The following CCDC178 variants were observed in gnomAD, a reference collection of about 807,000 sequenced individuals.
CCDC178 encodes coiled-coil domain containing 178.
CCDC178 carries 126 observed loss-of-function variants against 117.4 expected under a neutral mutation model. That is an observed-to-expected ratio of 1.07 (90% CI 0.93 to 1.24). The LOEUF (loss-of-function observed/expected upper bound fraction) is 1.24, where lower values mean the gene tolerates loss of function less well. Ranked by LOEUF, CCDC178 falls within the 50% of genes most tolerant of loss-of-function variation. CCDC178 has a pLI of 0.00. For missense variants in CCDC178, 1,030 were observed against 986.9 expected (o/e 1.04, Z -0.59); for synonymous variants, 283 against 313.4 (o/e 0.90, Z 1.02).
At chr18:33,394,979 A>G (rs866449858) in intron 4 of CCDC178, among the ~76,000 whole-genome samples, 2 of 136,976 alleles carry the variant, frequency 1.5e-5, no homozygotes, top group Non-Finnish European at 3.2e-5. Context: ...ATATATATAT[A>G]TATATATATG....
intron 2 of CCDC178, among the ~76,000 whole-genome samples, chr18:33,433,783 G>C (rs1599316826): frequency 9.4e-6 from 1 of 106,142 alleles, no homozygotes; most frequent in East Asian, 3.4e-4. Context: ...TAATTCAATA[G>C]CAGAATTTGT....
intron 15 of CCDC178, among the ~76,000 whole-genome samples, chr18:33,238,066 A>G (rs2059446005): frequency 6.6e-6 from 1 of 152,260 alleles, no homozygotes; most frequent in East Asian, 1.9e-4. Context: ...TGAAGAAACT[A>G]CATAGAGACT....
intron 20 of CCDC178, among the ~76,000 whole-genome samples, chr18:33,111,625 C>T (rs273038): frequency 0.91 from 137,785 of 151,598 alleles, 64,136 homozygotes; most frequent in East Asian, 1. Flanking sequence ...CCATGGATAA[C>T]AGAAAAATAA....
intron 14 of CCDC178, among the ~76,000 whole-genome samples, chr18:33,254,708 A>G (rs936444286): frequency 6.6e-5 from 10 of 152,064 alleles, no homozygotes; most frequent in African/African-American, 2.4e-4. Flanking sequence ...ATGCTGAAGA[A>G]GAAGACGAAG....
intron 2 of CCDC178, among the ~76,000 whole-genome samples, chr18:33,412,736 A>T (rs1264155167): frequency 6.6e-6 from 1 of 152,192 alleles, no homozygotes; most frequent in Non-Finnish European, 1.5e-5. Context: ...AATGTAATTA[A>T]CACAATTAAT....
At chr18:33,143,939 G>A (rs930971395) in intron 20 of CCDC178, among the ~76,000 whole-genome samples, 2 of 152,012 alleles carry the variant, frequency 1.3e-5, no homozygotes, top group Non-Finnish European at 2.9e-5. Flanking sequence ...TTCTGAGCCA[G>A]TTTTACTCAT....
chr18:33,074,069 T>C (rs562903248), intron 21 of CCDC178, among the ~76,000 whole-genome samples: 76 of 152,210 alleles, frequency 5.0e-4, no homozygotes, highest in Non-Finnish European at 8.1e-4. Context: ...GAGAGTAATC[T>C]GAATGAGGAA....
intron 21 of CCDC178, among the ~76,000 whole-genome samples, chr18:33,062,768 T>C (rs1174787038): frequency 4.6e-5 from 7 of 152,188 alleles, no homozygotes; most frequent in African/African-American, 1.7e-4. Flanking sequence ...TTTGAGACCC[T>C]AGACCCCACC....
intron 16 of CCDC178, 85 bp from the exon 17 acceptor site, chr18:33,225,021 T>C: frequency 1.0e-6 from 1 of 961,222 alleles, no homozygotes; most frequent in Non-Finnish European, 1.4e-6. Context: ...GCAGTAATAT[T>C]TGTTTTTATT....
chr18:33,323,396 CTT>C (rs1158586190), intron 11 of CCDC178, 93 bp downstream of exon 11: 7 of 763,268 alleles, frequency 9.2e-6, no homozygotes, highest in South Asian at 1.2e-4. Context: ...TTATTTTTCT[CTT>C]TATCTAAATT....
chr18:32,959,830 C>T (rs2054670811), intron 22 of CCDC178, among the ~76,000 whole-genome samples: 1 of 151,906 alleles, frequency 6.6e-6, no homozygotes, highest in South Asian at 2.1e-4. Flanking sequence ...TGACATGGCT[C>T]TTCCACTTGA....
chr18:33,388,668 C>T lies in CCDC178; in HGVS notation c.208+872G>A, dbSNP rs1447882197. ...CCAAGTAGCTGGGACTACAGGCGCC[C>T]GCCACTACGCCCGGCTAATTTTTTG... is the stretch of plus-strand genomic sequence containing the variant. On this transcript the variant is annotated intron_variant, in intron 5 of 22. Transcript: ENST00000383096. Among the ~76,000 whole-genome samples, 7 of 149,486 alleles carry T rather than the reference C, an allele frequency of 4.7e-5. No homozygotes were observed. In the South Asian group the frequency reaches 1.1e-3, roughly 23 times the overall value.
At chr18:33,221,668 C>A (rs1294898912) in intron 18 of CCDC178, among the ~76,000 whole-genome samples, 1 of 152,084 alleles carries the variant, frequency 6.6e-6, no homozygotes, top group African/African-American at 2.4e-5. Context: ...TAGGGAATCA[C>A]ATAATTTAAA....
intron 2 of CCDC178, among the ~76,000 whole-genome samples, chr18:33,417,357 A>G (rs952540541): frequency 6.6e-6 from 1 of 152,342 alleles, no homozygotes; most frequent in East Asian, 1.9e-4. Flanking sequence ...TACATATTGC[A>G]TGATTCCATT....
intron 4 of CCDC178, among the ~76,000 whole-genome samples, chr18:33,396,079 A>G (rs2063631652): frequency 6.6e-6 from 1 of 152,166 alleles, no homozygotes; most frequent in Non-Finnish European, 1.5e-5. Flanking sequence ...TATTCATATT[A>G]CACAAGAAAT....
intron 20 of CCDC178, among the ~76,000 whole-genome samples, chr18:33,124,655 T>C (rs1238789122): frequency 6.6e-6 from 1 of 152,210 alleles, no homozygotes; most frequent in Admixed American, 6.5e-5. Context: ...CTTTTGACAG[T>C]GGTGATTTAC....
At chr18:33,175,015 G>A (rs1290098489) in intron 20 of CCDC178, among the ~76,000 whole-genome samples, 1 of 150,454 alleles carries the variant, frequency 6.6e-6, no homozygotes, top group Non-Finnish European at 1.5e-5. Context: ...CTACAACCCG[G>A]CTAATTTTTT....
chr18:32,961,695 G>A (rs2054706115), intron 22 of CCDC178, among the ~76,000 whole-genome samples: 1 of 152,068 alleles, frequency 6.6e-6, no homozygotes, highest in African/African-American at 2.4e-5. Flanking sequence ...CCTTGCATGT[G>A]TAATAGGATT....
Position 33,223,114 on chromosome 18 carries a change from C to T in CCDC178, c.1924G>A (p.Glu642Lys), listed in dbSNP as rs2059257795. The T allele has an allele frequency of 6.3e-7, 1 of 1,595,092 alleles. No homozygotes were observed. Among genetic ancestry groups the T allele is most frequent in the East Asian group, 2.2e-5 (1 of 44,450 alleles). ...KGKKTLDALI[E>K]TESKRSAIFK... ...TGAACTTAAATTCTTACCTCAGTTTCTATTAATGCATCAAGGGTTTTCTTC... is the reference window on the plus strand; with the variant it reads ...TGAACTTAAATTCTTACCTCAGTTTTTATTAATGCATCAAGGGTTTTCTTC... The change falls in exon 18 of 23, where the codon GAA becomes AAA. Residue 642 changes from glutamate (E) to lysine (K), a missense_variant. Transcript: ENST00000383096.
Sources: allele counts gnomAD v4.1 joint callset (sites outside exome capture counted in the v4.1 genomes callset), GRCh38; gene constraint gnomAD v4.1.1; transcripts MANE v1.5; gene names NCBI Gene and HGNC (gene_info 2026-07-23, HGNC 2026-07-21).